The following ANKRD30BL variants were observed in gnomAD, a reference collection of about 807,000 sequenced individuals.
ANKRD30BL encodes the protein ankyrin repeat domain 30B like.
ANKRD30BL carries 20 observed loss-of-function variants against 18.4 expected under a neutral mutation model. The ratio of observed to expected loss-of-function variants is 1.09; its 90% CI spans 0.77 to 1.58. ANKRD30BL has a LOEUF of 1.58. Ranked by LOEUF, ANKRD30BL falls within the 40% of genes most tolerant of loss-of-function variation. The probability of loss-of-function intolerance (pLI) is 0.00; values close to 1 mark genes in which losing one functional copy is unlikely to be tolerated. For missense variants in ANKRD30BL, 224 were observed against 268.6 expected, an observed-to-expected ratio of 0.83 and a Z score of 1.16; for synonymous variants, 72 against 100.9, an observed-to-expected ratio of 0.71 and a Z score of 1.72.
chr2:132,181,213 C>T (rs371868661), intron 1 of ANKRD30BL, among the ~76,000 whole-genome samples: 159 of 151,968 alleles, frequency 1.0e-3, no homozygotes, highest in Non-Finnish European at 1.9e-3. Context: ...GTGGCTGATG[C>T]CTGTAATCTC....
At chr2:132,203,087 C>T (rs796862981) in intron 1 of ANKRD30BL, among the ~76,000 whole-genome samples, 5 of 152,272 alleles carry the variant, frequency 3.3e-5, no homozygotes, top group Admixed American at 6.5e-5. Flanking sequence ...GTTCTATTTT[C>T]GGTCAACCAC....
chr2:132,248,485 C>T (rs796371224), intron 1 of ANKRD30BL, among the ~76,000 whole-genome samples: 1 of 151,634 alleles, frequency 6.6e-6, no homozygotes, highest in African/African-American at 2.4e-5. Context: ...CAAAATATCC[C>T]TTTGCAGATT....
chr2:132,175,780 C>T (rs949474440), intron 1 of ANKRD30BL, among the ~76,000 whole-genome samples: 6 of 152,194 alleles, frequency 3.9e-5, no homozygotes, highest in South Asian at 2.1e-4. Flanking sequence ...TTTTACCAAG[C>T]ATACTACTTG....
intron 1 of ANKRD30BL, 126 bp downstream of exon 1, chr2:132,161,362 C>G: frequency 1.0e-6 from 1 of 974,946 alleles, no homozygotes; most frequent in Non-Finnish European, 1.5e-6. Context: ...GGACGGCCGC[C>G]CCGCTGCCCG....
intron 1 of ANKRD30BL, among the ~76,000 whole-genome samples, chr2:132,226,115 CTT>C (rs1423085534): frequency 2.0e-5 from 3 of 152,068 alleles, no homozygotes; most frequent in Admixed American, 6.6e-5. Context: ...ATGAAACACT[CTT>C]TTAGTGGAAT....
At chr2:132,184,441 C>T (rs1429081001) in intron 1 of ANKRD30BL, among the ~76,000 whole-genome samples, 1 of 152,088 alleles carries the variant, frequency 6.6e-6, no homozygotes, top group Non-Finnish European at 1.5e-5. Context: ...TAGAAATGTT[C>T]CAGACTTTAG....
chr2:132,192,297 C>T (rs1437910835), intron 1 of ANKRD30BL, among the ~76,000 whole-genome samples: 1 of 152,110 alleles, frequency 6.6e-6, no homozygotes, highest in Non-Finnish European at 1.5e-5. Context: ...AACAGCCCTG[C>T]AGCTTGGGTC....
intron 1 of ANKRD30BL, among the ~76,000 whole-genome samples, chr2:132,224,566 T>A (rs983259133): frequency 4.6e-5 from 7 of 152,100 alleles, no homozygotes; most frequent in Non-Finnish European, 7.3e-5. Flanking sequence ...ATAGAGCAGG[T>A]TTGAAACACT....
At chr2:132,187,100 CTAAGA>C (rs751180984) in intron 1 of ANKRD30BL, among the ~76,000 whole-genome samples, 13 of 148,370 alleles carry the variant, frequency 8.8e-5, no homozygotes, top group South Asian at 8.4e-4. Flanking sequence ...AAACAGGCAG[CTAAGA>C]TATTTATTTT....
intron 1 of ANKRD30BL, chr2:132,253,177 TG>T: frequency 4.5e-6 from 1 of 222,182 alleles, no homozygotes; most frequent in Non-Finnish European, 9.8e-6. Flanking sequence ...GGCATAGCCC[TG>T]GGAGGAACCC....
At chr2:132,217,153 C>T (rs1453709199) in intron 1 of ANKRD30BL, among the ~76,000 whole-genome samples, 3 of 152,020 alleles carry the variant, frequency 2.0e-5, no homozygotes, top group Admixed American at 2.0e-4. Context: ...GCATTCCACT[C>T]ACAGAGTTGG....
intron 1 of ANKRD30BL, among the ~76,000 whole-genome samples, chr2:132,209,164 G>GT (rs1441646913): frequency 1.3e-5 from 2 of 151,940 alleles, no homozygotes; most frequent in African/African-American, 4.8e-5. Context: ...GCCTATGGTG[G>GT]AAAAGGAAAT....
chr2:132,173,403 C>T (rs1295387411), intron 1 of ANKRD30BL, among the ~76,000 whole-genome samples: 1 of 151,484 alleles, frequency 6.6e-6, no homozygotes, highest in Non-Finnish European at 1.5e-5. Context: ...GGGTTCATGC[C>T]ATTCTCCTAC....
chr2:132,168,134 G>A lies in ANKRD30BL; in HGVS notation n.442-10988C>T, dbSNP rs1367223910. ...TGTATCACTTAAATTTTGTTTTTCT[G>A]AGAAAGTTTTCTATTTGCTTTCTTT... is the stretch of plus-strand genomic sequence containing the variant. On this transcript the variant is annotated intron_variant and non_coding_transcript_variant, in intron 1 of 4. Transcript: ENST00000470729. 5.9e-5 allele frequency among the ~76,000 whole-genome samples: 9 copies of A among 152,170 alleles called. No individual in the cohort carries two copies. In the East Asian group the frequency reaches 1.5e-3, roughly 26 times the overall value.
At chr2:132,175,895 T>C (rs201124710) in intron 1 of ANKRD30BL, among the ~76,000 whole-genome samples, 8 of 36,340 alleles carry the variant, frequency 2.2e-4, no homozygotes, top group Admixed American at 2.7e-4. Flanking sequence ...GCAAAGAGGT[T>C]GGGGCAAAGT....
At position 132,147,999 on chromosome 2, in the gene ANKRD30BL, C is replaced by T. The variant is rs561426966; in HGVS notation, c.*132G>A. 1.1e-5 allele frequency: 8 copies of T among 698,872 alleles called. No individual in the cohort carries two copies. The highest frequency in any genetic ancestry group is 1.1e-4 in the South Asian group (6 of 56,946). The allele number at this position is 698,872 out of a possible 1,614,324, so 43.3% of individuals were successfully genotyped here. ...AAACTTTAAAACGGAGAACAAAGAA[C>T]AGAGAAGCTGAACATACTGACATAT... On this transcript the variant is annotated 3_prime_UTR_variant, in exon 6 of 6. Transcript: ENST00000409867.
chr2:132,215,782 G>C (rs1679481944), intron 1 of ANKRD30BL, among the ~76,000 whole-genome samples: 3 of 152,064 alleles, frequency 2.0e-5, no homozygotes, highest in Non-Finnish European at 4.4e-5. Flanking sequence ...TCCTTCGATT[G>C]TGTAGTTTTC....
At chr2:132,254,540 C>T (rs1680768172) in intron 1 of ANKRD30BL, among the ~76,000 whole-genome samples, 1 of 152,324 alleles carries the variant, frequency 6.6e-6, no homozygotes, top group African/African-American at 2.4e-5. Context: ...GGACTTCATG[C>T]AAGCTTATGA....
chr2:132,177,206 T>C (rs1465820594), intron 1 of ANKRD30BL, among the ~76,000 whole-genome samples: 1 of 151,784 alleles, frequency 6.6e-6, no homozygotes, highest in African/African-American at 2.4e-5. Context: ...CCAGGTGGAG[T>C]GCAATGGCAC....
Sources: allele counts gnomAD v4.1 joint callset (sites outside exome capture counted in the v4.1 genomes callset), GRCh38; gene constraint gnomAD v4.1.1; transcripts MANE v1.5; gene names NCBI Gene and HGNC (gene_info 2026-07-23, HGNC 2026-07-21).